The following NCEH1 variants were observed in gnomAD, a reference collection of about 807,000 sequenced individuals.
NCEH1 encodes 2-acetyl MAGE hydrolase.
In NCEH1, 9 loss-of-function variants were observed where a neutral mutation model predicts 25.4. The ratio of observed to expected loss-of-function variants is 0.35; its 90% CI spans 0.21 to 0.62. The LOEUF (loss-of-function observed/expected upper bound fraction) is 0.62, where lower values mean the gene tolerates loss of function less well. NCEH1 is among the 20% of genes least tolerant of loss of function. The pLI, the probability that NCEH1 is intolerant of heterozygous loss-of-function variation, is 0.72. For missense variants in NCEH1, 412 were observed against 501.1 expected (o/e 0.82, Z 1.70); for synonymous variants, 200 against 199.8 (o/e 1.00, Z -0.01).
At chr3:172,664,900 G>C (rs760482900) in intron 1 of NCEH1, among the ~76,000 whole-genome samples, 10 of 152,042 alleles carry the variant, frequency 6.6e-5, no homozygotes, top group Non-Finnish European at 1.5e-4. Context: ...TGATGGGTTC[G>C]AACATCCTCC....
intron 1 of NCEH1, among the ~76,000 whole-genome samples, chr3:172,698,245 G>C (rs528866404): frequency 6.6e-6 from 1 of 152,204 alleles, no homozygotes; most frequent in East Asian, 1.9e-4. Context: ...TCAAAGTGCT[G>C]GGATTACAGG....
rs1716432954 is a variant in NCEH1, at chr3:172,633,021, A to G, written c.*454T>C. ...TACTTGGTCCCCAGTACTGACCTGA[A>G]AGTGCACGCATTTAATACTGCTCTG... On this transcript the variant is annotated 3_prime_UTR_variant, in exon 5 of 5. Transcript: ENST00000475381. 6.3e-6 allele frequency: 1 copy of G among 157,948 alleles called. No homozygotes were observed. Among genetic ancestry groups the G allele is most frequent in the Non-Finnish European group, 1.4e-5 (1 of 71,644 alleles). The allele number at this position is 157,948 out of a possible 1,614,324, so 9.8% of individuals were successfully genotyped here.
At chr3:172,707,978 T>C (rs778403136) in intron 1 of NCEH1, among the ~76,000 whole-genome samples, 1 of 152,208 alleles carries the variant, frequency 6.6e-6, no homozygotes, top group Admixed American at 6.5e-5. Context: ...AAGTGTTTTG[T>C]TTTGGTTTGG....
intron 1 of NCEH1, among the ~76,000 whole-genome samples, chr3:172,702,128 G>T (rs1044031475): frequency 6.6e-6 from 1 of 152,172 alleles, no homozygotes; most frequent in Non-Finnish European, 1.5e-5. Context: ...GGCTGGAATC[G>T]AATTCAGGCT....
chr3:172,690,829 G>A (rs185247973), intron 1 of NCEH1, among the ~76,000 whole-genome samples: 2 of 152,206 alleles, frequency 1.3e-5, no homozygotes, highest in African/African-American at 4.8e-5. Flanking sequence ...AAAAGAAACA[G>A]TGGTTGTGTT....
chr3:172,670,866 T>C (rs1429865061), intron 1 of NCEH1, among the ~76,000 whole-genome samples: 5 of 152,198 alleles, frequency 3.3e-5, no homozygotes, highest in Non-Finnish European at 7.3e-5. Context: ...TTTAAAATTA[T>C]AGTTGAGAAT....
intron 3 of NCEH1, among the ~76,000 whole-genome samples, chr3:172,644,010 A>G (rs2108493782): frequency 6.6e-6 from 1 of 152,296 alleles, no homozygotes; most frequent in Admixed American, 6.5e-5. Flanking sequence ...GGCCTTGCTG[A>G]GAGTCCAGAA....
intron 1 of NCEH1, among the ~76,000 whole-genome samples, chr3:172,710,512 G>A (rs1714241603): frequency 6.6e-6 from 1 of 152,212 alleles, no homozygotes; most frequent in Non-Finnish European, 1.5e-5. Flanking sequence ...AAGAAGGGTG[G>A]TTTATAAACT....
At chr3:172,647,337 A>G (rs1216656128) in intron 2 of NCEH1, among the ~76,000 whole-genome samples, 2 of 152,220 alleles carry the variant, frequency 1.3e-5, no homozygotes, top group East Asian at 1.9e-4. Flanking sequence ...ATCCAAATCT[A>G]AAGAAAATAT....
chr3:172,667,558 C>T (rs1303828019), intron 1 of NCEH1, among the ~76,000 whole-genome samples: 1 of 152,218 alleles, frequency 6.6e-6, no homozygotes, highest in Non-Finnish European at 1.5e-5. Flanking sequence ...AGGACCATGT[C>T]TTCAACCATG....
intron 1 of NCEH1, among the ~76,000 whole-genome samples, chr3:172,686,868 G>GT (rs1180301198): frequency 6.6e-6 from 1 of 152,146 alleles, no homozygotes; most frequent in African/African-American, 2.4e-5. Context: ...CATGTGCCAG[G>GT]AATCAAGGTC....
intron 1 of NCEH1, among the ~76,000 whole-genome samples, chr3:172,698,869 G>A (rs1488460229): frequency 1.3e-5 from 2 of 152,334 alleles, no homozygotes; most frequent in South Asian, 2.1e-4. Flanking sequence ...TGCCCCTTGC[G>A]ACAGACGCGG....
intron 1 of NCEH1, among the ~76,000 whole-genome samples, chr3:172,648,337 T>C (rs1311579011): frequency 6.6e-6 from 1 of 152,172 alleles, no homozygotes; most frequent in Non-Finnish European, 1.5e-5. Flanking sequence ...TCCCATTTTA[T>C]TGAGAAGGCT....
chr3:172,656,279 C>A (rs1434470089), intron 1 of NCEH1, among the ~76,000 whole-genome samples: 2 of 151,848 alleles, frequency 1.3e-5, no homozygotes, highest in African/African-American at 4.8e-5. Context: ...AAGAGAGAGA[C>A]AAAGTTACAG....
chr3:172,640,725 T>C (rs1167012978), intron 3 of NCEH1, among the ~76,000 whole-genome samples: 1 of 152,176 alleles, frequency 6.6e-6, no homozygotes, highest in African/African-American at 2.4e-5. Context: ...GCCAGGATGG[T>C]CTCGATCTCC....
intron 1 of NCEH1, chr3:172,681,243 G>A (rs192607070): frequency 1.3e-5 from 2 of 151,514 alleles, no homozygotes; most frequent in Non-Finnish European, 2.9e-5. Context: ...AGAAACTGAA[G>A]AGAAAGATCA....
At chr3:172,681,736 CAA>C (rs768887847) in intron 1 of NCEH1, among the ~76,000 whole-genome samples, 25 of 103,852 alleles carry the variant, frequency 2.4e-4, no homozygotes, top group Non-Finnish European at 1.8e-4. Flanking sequence ...GTAAAAATAC[CAA>C]AAAAAAAAAA....
At chr3:172,661,291 T>C (rs150971931) in intron 1 of NCEH1, among the ~76,000 whole-genome samples, 4,589 of 152,224 alleles carry the variant, frequency 0.03, 227 homozygotes, top group African/African-American at 0.1. Flanking sequence ...TGTAGATGTG[T>C]GGTATTATTT....
intron 1 of NCEH1, among the ~76,000 whole-genome samples, chr3:172,699,253 C>G (rs1229203994): frequency 6.6e-6 from 1 of 152,164 alleles, no homozygotes; most frequent in Non-Finnish European, 1.5e-5. Flanking sequence ...GAGGGGACAA[C>G]AGGAGAAGCG....
Sources: gnomAD v4.1 joint callset for allele counts (sites outside exome capture counted in the v4.1 genomes callset) on GRCh38, gnomAD v4.1.1 for gene constraint, MANE v1.5 for transcripts, NCBI Gene and HGNC (gene_info 2026-07-23, HGNC 2026-07-21) for gene names.